DPP7: variants seen among roughly 807,000 people sequenced by gnomAD.
The protein encoded by DPP7 is dipeptidyl peptidase 7.
Under a neutral mutation model 58.8 loss-of-function variants are expected in DPP7, and 74 were observed. The ratio of observed to expected loss-of-function variants is 1.26; its 90% CI spans 1.04 to 1.53. The LOEUF is 1.53. Among genes scored for constraint, DPP7 ranks in the 40% most tolerant of loss-of-function variants. The pLI is 0.00. For synonymous variants in DPP7, 350 were observed against 303.6 expected, an observed-to-expected ratio of 1.15 and a Z score of -1.59; for missense variants, 807 against 692.3, an observed-to-expected ratio of 1.17 and a Z score of -1.86.
At chr9:137,117,578 G>A (rs540230260), upstream of DPP7, among the ~76,000 whole-genome samples, 1 of 152,260 alleles carries the variant, frequency 6.6e-6, no homozygotes, top group South Asian at 2.1e-4. Context: ...TCCACACCCC[G>A]ATTCCTGCTG....
intron 8 of DPP7, chr9:137,112,504 G>A (rs1028371712): frequency 2.7e-5 from 17 of 639,420 alleles, no homozygotes; most frequent in African/African-American, 2.6e-4. Flanking sequence ...GGACCCCAGG[G>A]GCCCCTTGGG....
At position 137,110,604 on chromosome 9, in the gene DPP7, GC is replaced by G; in HGVS notation, c.*43del. The G allele has an allele frequency of 6.3e-7, 1 of 1,585,410 alleles. No individual in the cohort carries two copies. ...CTCTGCCGCCAGCTGCTTGAGTGAA[GC>G]CCCCACTCCATGAGGAGCCTTGAGA... On this transcript the variant is annotated 3_prime_UTR_variant, in exon 13 of 13. Transcript: ENST00000371579.
At chr9:137,114,607 G>A in intron 1 of DPP7, 31 bp from the exon 2 acceptor site, 1 of 1,452,784 alleles carries the variant, frequency 6.9e-7, no homozygotes, top group South Asian at 1.4e-5. Context: ...CAGAGGCGGG[G>A]CCGGGACCGG....
intron 11 of DPP7, 37 bp downstream of exon 11, chr9:137,111,653 A>C: frequency 1.9e-6 from 3 of 1,586,466 alleles, no homozygotes; most frequent in Non-Finnish European, 2.6e-6. Context: ...AAAAACAAAC[A>C]AACTAACGGG....
rs770374631 is a variant in DPP7 at position 137,110,866 on chromosome 9, ACCTC to A, written c.1343+10_1343+13del. The A allele has an allele frequency of 1.9e-6, 3 of 1,608,798 alleles. No individual in the cohort carries two copies. The highest frequency in any genetic ancestry group is 1.7e-4 in the Middle Eastern group (1 of 6,040). On this transcript the variant is annotated intron_variant, in intron 12 of 12. Coordinates refer to ENST00000371579, the MANE Select transcript of DPP7 (RefSeq NM_013379.3). ...CCCGACCCGCGACCACCGCCAGGCC[ACCTC>A]CCTCCGCACCTGAGGTCGAGGTGGT...
rs1284734754 is a variant in DPP7 at position 137,112,239 on chromosome 9, G to A, written c.932-9C>T. On this transcript the variant is annotated splice_polypyrimidine_tract_variant and intron_variant, in intron 8 of 12. Coordinates refer to ENST00000371579, the MANE Select transcript of DPP7 (RefSeq NM_013379.3). Reference sequence around the variant, plus strand: ...GGCGTTGTAGACCAGCCCTGGGGAGGAGAGGCGCTGGGGCCCAGCGGCCAC... The same window carrying A: ...GGCGTTGTAGACCAGCCCTGGGGAGAAGAGGCGCTGGGGCCCAGCGGCCAC... The A allele has an allele frequency of 1.3e-6, 2 of 1,593,868 alleles. No homozygotes were observed. Among genetic ancestry groups the A allele is most frequent in the Middle Eastern group, 2.1e-4 (1 of 4,656 alleles).
Position 137,114,417 on chromosome 9 carries a change from G to A in DPP7, c.182-35C>T, listed in dbSNP as rs778071228. 3.9e-5 allele frequency: 61 copies of A among 1,569,800 alleles called. 2 individuals carry two copies. The South Asian group carries it at 6.8e-4, about 18-fold the overall frequency. The stretch of plus-strand genomic sequence containing the variant: ...GGGCGGATGAGGCGAGGGTGCCGGG[G>A]GGCGGCGGGACGGCGGGGGCGGCCG... On this transcript the variant is annotated intron_variant, in intron 2 of 12. Transcript: ENST00000371579.
chr9:137,113,828 G>T, intron 4 of DPP7, 37 bp downstream of exon 4: 6 of 1,450,014 alleles, frequency 4.1e-6, no homozygotes, highest in Non-Finnish European at 5.5e-6. Flanking sequence ...TCGGGGCAGG[G>T]GAGGGAGGGG....
At chr9:137,115,418 C>T (rs1016902406), upstream of DPP7, among the ~76,000 whole-genome samples, 4 of 152,186 alleles carry the variant, frequency 2.6e-5, no homozygotes, top group Non-Finnish European at 4.4e-5. Flanking sequence ...GAAGAAGTCA[C>T]CTTTCCCCAG....
Position 137,111,666 on chromosome 9 carries a change from C to T in DPP7, c.1272+24G>A, listed in dbSNP as rs755587660. 4 of 1,609,904 alleles carry T rather than the reference C, an allele frequency of 2.5e-6. No individual in the cohort carries two copies. The Admixed American group carries it at 5.1e-5, about 20-fold the overall frequency. On this transcript the variant is annotated intron_variant, in intron 11 of 12. Coordinates refer to ENST00000371579, the MANE Select transcript of DPP7 (RefSeq NM_013379.3). Reference sequence around the variant, plus strand: ...AAAAAAACAAACAAACTAACGGGGTCATAGGGCCCAGGCCAGGACTCACCC... The same window carrying T: ...AAAAAAACAAACAAACTAACGGGGTTATAGGGCCCAGGCCAGGACTCACCC...
At position 137,112,845 on chromosome 9, in the gene DPP7, C is replaced by T. The variant is rs766952839; in HGVS notation, c.871-40G>A. 3.1e-6 allele frequency: 5 copies of T among 1,603,316 alleles called. No homozygotes were observed. The South Asian group carries it at 4.4e-5, about 14-fold the overall frequency. On this transcript the variant is annotated intron_variant, in intron 7 of 12. Coordinates refer to ENST00000371579, the MANE Select transcript of DPP7 (RefSeq NM_013379.3). ...CAGCGGCGACTCAGCGGGGTCCCCT[C>T]CACCAGCTCCGCCTCCCTGGCTCCC... is the stretch of plus-strand genomic sequence containing the variant.
intron 4 of DPP7, 122 bp downstream of exon 4, chr9:137,113,743 C>T: frequency 7.1e-7 from 1 of 1,415,046 alleles, no homozygotes; most frequent in Non-Finnish European, 9.2e-7. Context: ...AAGCCTGGAA[C>T]CACTGCCTGA....
At position 137,111,953 on chromosome 9, in the gene DPP7, T is replaced by G. The variant is rs1831390271; in HGVS notation, c.1127A>C (p.Glu376Ala). 6.2e-7 allele frequency: 1 copy of G among 1,603,754 alleles called. No homozygotes were observed. Among genetic ancestry groups the G allele is most frequent in the South Asian group, 1.1e-5 (1 of 90,872 alleles). Residue 376 changes from glutamate (E) to alanine (A), a missense_variant, in exon 10 of 13, where the codon GAG (glutamate) becomes GCG (alanine). Coordinates refer to ENST00000371579, the MANE Select transcript of DPP7 (RefSeq NM_013379.3). ...DMFPDLPFTD[E>A]LRQRYCLDTW... ...GTCCAGGCAGTACCGCTGGCGGAGCTCGTCAGTGAAGGGCAGGTCCGGGAA... is the reference window on the plus strand; with the variant it reads ...GTCCAGGCAGTACCGCTGGCGGAGCGCGTCAGTGAAGGGCAGGTCCGGGAA...
intron 2 of DPP7, 21 bp downstream of exon 2, chr9:137,114,441 CG>C: frequency 6.4e-7 from 1 of 1,555,968 alleles, no homozygotes; most frequent in South Asian, 1.2e-5. Context: ...CGGGGGCGGC[CG>C]GGCCGGGGCC....
At position 137,113,188 on chromosome 9, in the gene DPP7, G is replaced by C; in HGVS notation, c.703+18C>G. On this transcript the variant is annotated intron_variant, in intron 6 of 12. Coordinates refer to ENST00000371579, the MANE Select transcript of DPP7 (RefSeq NM_013379.3). The stretch of plus-strand genomic sequence containing the variant: ...GCTGGGGCGGGTCAGGCAGTGGGAG[G>C]CGGTGGGAGGACCTCACCTCCCTGT... The C allele has an allele frequency of 2.5e-6, 4 of 1,613,646 alleles. No homozygotes were observed. Among genetic ancestry groups the C allele is most frequent in the Non-Finnish European group, 3.4e-6 (4 of 1,179,964 alleles).
At position 137,114,452 on chromosome 9, in the gene DPP7, C is replaced by T. The variant is rs753771154; in HGVS notation, c.181+11G>A. On this transcript the variant is annotated intron_variant, in intron 2 of 12. Coordinates refer to ENST00000371579, the MANE Select transcript of DPP7 (RefSeq NM_013379.3). ...ACGGCGGGGGCGGCCGGGCCGGGGCCGGGGTCTCACCCGACACCAGGAAGC... is the reference window on the plus strand; with the variant it reads ...ACGGCGGGGGCGGCCGGGCCGGGGCTGGGGTCTCACCCGACACCAGGAAGC... 8.3e-6 allele frequency: 13 copies of T among 1,559,356 alleles called. No individual in the cohort carries two copies. The highest frequency in any genetic ancestry group is 1.2e-5 in the South Asian group (1 of 85,480).
upstream of DPP7, among the ~76,000 whole-genome samples, chr9:137,116,697 G>C (rs918268723): frequency 4.6e-5 from 7 of 152,262 alleles, no homozygotes; most frequent in African/African-American, 1.7e-4. Context: ...AGGAGGATTA[G>C]TGAAAGAGGG....
upstream of DPP7, chr9:137,114,777 C>T (rs1005372117): frequency 1.5e-5 from 18 of 1,178,280 alleles, no homozygotes; most frequent in Admixed American, 4.3e-5. Context: ...GCGCTCCTCC[C>T]TCCAGGCCCC....
Position 137,111,874 on chromosome 9 carries a change from AC to A in DPP7, c.1205del (p.Gly402ValfsTer28), listed in dbSNP as rs748560644. 1.1e-5 allele frequency: 8 copies of A among 759,086 alleles called. No homozygotes were observed. Among genetic ancestry groups the A allele is most frequent in the African/African-American group, 2.1e-5 (1 of 46,582 alleles). 47.0% of individuals were successfully genotyped at this position (759,086 alleles called of 1,614,324 possible). A position where few individuals can be genotyped will look rare whatever the true frequency, so the allele number is the denominator to read the frequency against. ...TGGCCCACCCCCCCTCAGCCTTACC[AC>A]CCCCCCAGAAGCTGGTCAGCAGCCA... ...PDWLLTSFWG[G>X]DLRAASNIIF... On this transcript the variant is annotated frameshift_variant and splice_region_variant, in exon 10 of 13. Transcript: ENST00000371579. LOFTEE classifies it high-confidence loss of function.
Sources: allele counts gnomAD v4.1 joint callset (sites outside exome capture counted in the v4.1 genomes callset), GRCh38; gene constraint gnomAD v4.1.1; transcripts MANE v1.5; gene names NCBI Gene and HGNC (gene_info 2026-07-23, HGNC 2026-07-21).